SRRM3: variants seen among roughly 807,000 people sequenced by gnomAD.
SRRM3 encodes the protein serine/arginine repetitive matrix protein 3.
A neutral mutation model predicts 66.2 loss-of-function variants in SRRM3; 27 were observed. The ratio of observed to expected loss-of-function variants is 0.41; its 90% CI spans 0.30 to 0.56. The LOEUF is 0.56. Ranked by LOEUF, SRRM3 falls within the 20% of genes least tolerant of loss-of-function variation. The pLI is 0.32. For synonymous variants in SRRM3, 391 were observed against 414.9 expected (o/e 0.94, Z 0.70); for missense variants, 918 against 991.9 (o/e 0.93, Z 1.00).
chr7:76,257,935 T>C (rs1297074653), intron 3 of SRRM3, among the ~76,000 whole-genome samples: 2 of 152,028 alleles, frequency 1.3e-5, no homozygotes, highest in African/African-American at 4.8e-5. Context: ...CAGTGCAGGA[T>C]GAGCCCTTGT....
rs1802128098 is a variant in SRRM3, at chr7:76,268,404, C to T, written c.1008+969C>T. On this transcript the variant is annotated intron_variant, in intron 11 of 14. Transcript: ENST00000611745. The stretch of plus-strand genomic sequence containing the variant: ...GGCACTGGGGTGGGTGGGGGGGTGG[C>T]TTGGGGTGGGGAGACCTGCAGGTTC... The T allele has an allele frequency of 2.2e-5, 3 of 135,754 alleles. No individual in the cohort carries two copies. The South Asian group carries it at 6.8e-4, about 31-fold the overall frequency. 8.4% of individuals were successfully genotyped at this position (135,754 alleles called of 1,614,324 possible).
intron 3 of SRRM3, 133 bp from the exon 4 acceptor site, chr7:76,259,773 G>A: frequency 7.2e-7 from 1 of 1,397,552 alleles, no homozygotes; most frequent in Non-Finnish European, 9.8e-7. Context: ...AGGGGCCGCA[G>A]TTACCCCTCG....
chr7:76,255,440 C>T (rs889108364), intron 3 of SRRM3, among the ~76,000 whole-genome samples: 2 of 151,936 alleles, frequency 1.3e-5, no homozygotes, highest in Non-Finnish European at 2.9e-5. Context: ...TGAGCCACCA[C>T]GCCCAGCTAT....
intron 3 of SRRM3, among the ~76,000 whole-genome samples, chr7:76,256,519 G>A (rs1801716669): frequency 6.6e-6 from 1 of 151,138 alleles, no homozygotes; most frequent in African/African-American, 2.4e-5. Flanking sequence ...AAAAAAAAAA[G>A]AATGGCTACT....
chr7:76,253,437 C>A (rs1042880010), intron 3 of SRRM3, among the ~76,000 whole-genome samples: 2 of 150,704 alleles, frequency 1.3e-5, no homozygotes, highest in African/African-American at 4.9e-5. Flanking sequence ...CTGGCTAACA[C>A]GGTGAAACCC....
At chr7:76,261,459 G>A (rs1220276116) in intron 7 of SRRM3, 45 bp downstream of exon 7, 41 of 1,598,332 alleles carry the variant, frequency 2.6e-5, no homozygotes, top group Non-Finnish European at 3.5e-5. Flanking sequence ...TCCTCCCGTG[G>A]GGCCCAGGGC....
At chr7:76,232,194 C>A (rs892083510) in intron 1 of SRRM3, among the ~76,000 whole-genome samples, 1 of 152,148 alleles carries the variant, frequency 6.6e-6, no homozygotes, top group African/African-American at 2.4e-5. Flanking sequence ...GCCCTCAGCC[C>A]AGGGGGAGCC....
intron 1 of SRRM3, among the ~76,000 whole-genome samples, chr7:76,224,486 G>A (rs1257953239): frequency 7.1e-6 from 1 of 140,852 alleles, no homozygotes; most frequent in Non-Finnish European, 1.5e-5. Flanking sequence ...TTTTGCTCCT[G>A]CAGGACTGGG....
intron 1 of SRRM3, among the ~76,000 whole-genome samples, chr7:76,217,439 C>T (rs553161149): frequency 2.6e-5 from 4 of 152,182 alleles, no homozygotes; most frequent in Non-Finnish European, 5.9e-5. Flanking sequence ...CGTCTGCCAC[C>T]ACACCCGGCT....
At chr7:76,260,477 GC>G (rs1259336628) in intron 5 of SRRM3, among the ~76,000 whole-genome samples, 1 of 45,764 alleles carries the variant, frequency 2.2e-5, no homozygotes, top group Admixed American at 3.2e-4. Flanking sequence ...TCTGGGGCCC[GC>G]CCCTCACCGA....
chr7:76,235,510 G>A (rs1178293564), intron 2 of SRRM3, among the ~76,000 whole-genome samples: 2 of 152,150 alleles, frequency 1.3e-5, no homozygotes, highest in Non-Finnish European at 2.9e-5. Context: ...GTGAAGCCAT[G>A]GCAAGTCCAG....
intron 1 of SRRM3, among the ~76,000 whole-genome samples, chr7:76,233,467 G>A (rs1047262133): frequency 3.3e-5 from 5 of 152,214 alleles, no homozygotes; most frequent in East Asian, 1.9e-4. Flanking sequence ...CACTGCAGCC[G>A]AGGTGGGTGG....
At chr7:76,277,373 C>T (rs1802374949) in intron 11 of SRRM3, among the ~76,000 whole-genome samples, 1 of 152,186 alleles carries the variant, frequency 6.6e-6, no homozygotes, top group African/African-American at 2.4e-5. Context: ...TCCTCGCCTA[C>T]TGTTGGCTCC....
intron 8 of SRRM3, among the ~76,000 whole-genome samples, chr7:76,262,090 G>A (rs1583921678): frequency 6.6e-6 from 1 of 152,136 alleles, no homozygotes; most frequent in African/African-American, 2.4e-5. Flanking sequence ...GGGTTAGTGT[G>A]GGGGAGCTCT....
intron 10 of SRRM3, 23 bp downstream of exon 10, chr7:76,265,491 C>T (rs1006844323): frequency 1.3e-6 from 2 of 1,578,956 alleles, no homozygotes; most frequent in Non-Finnish European, 1.7e-6. Flanking sequence ...CTCTGGGAGG[C>T]TTTCTCCTGG....
intron 1 of SRRM3, among the ~76,000 whole-genome samples, chr7:76,207,944 G>A (rs1463522344): frequency 6.6e-6 from 1 of 152,156 alleles, no homozygotes; most frequent in Non-Finnish European, 1.5e-5. Flanking sequence ...GGCTGGGCAT[G>A]GGTGGAGCTG....
chr7:76,206,153 A>T (rs531738572), intron 1 of SRRM3, among the ~76,000 whole-genome samples: 1 of 152,182 alleles, frequency 6.6e-6, no homozygotes, highest in Non-Finnish European at 1.5e-5. Context: ...GACTGCAGGC[A>T]TGTACCACCA....
intron 11 of SRRM3, chr7:76,269,917 C>T (rs2117084787): frequency 6.6e-6 from 1 of 151,648 alleles, no homozygotes; most frequent in South Asian, 2.1e-4. Flanking sequence ...GAACATTAAT[C>T]ATATACACAT....
At chr7:76,220,934 C>G (rs1237266865) in intron 1 of SRRM3, among the ~76,000 whole-genome samples, 1 of 152,190 alleles carries the variant, frequency 6.6e-6, no homozygotes, top group Non-Finnish European at 1.5e-5. Context: ...AACAAACAGC[C>G]GTGCCAGCAC....
Sources: allele counts gnomAD v4.1 joint callset (sites outside exome capture counted in the v4.1 genomes callset), GRCh38; gene constraint gnomAD v4.1.1; transcripts MANE v1.5; gene names NCBI Gene and HGNC (gene_info 2026-07-23, HGNC 2026-07-21).